PRPF6: variants seen among roughly 807,000 people sequenced by gnomAD.
PRPF6 encodes the protein pre-mRNA processing factor 6.
A neutral mutation model predicts 118.3 loss-of-function variants in PRPF6; 42 were observed. That is an observed-to-expected ratio of 0.35 (90% CI 0.28 to 0.46). The LOEUF (loss-of-function observed/expected upper bound fraction) is 0.46, where lower values mean the gene tolerates loss of function less well. Ranked by LOEUF, PRPF6 falls within the 20% of genes least tolerant of loss-of-function variation. The pLI, the probability that PRPF6 is intolerant of heterozygous loss-of-function variation, is 1.00. For missense variants in PRPF6, 662 were observed against 1,255.7 expected, an observed-to-expected ratio of 0.53 and a Z score of 7.15; for synonymous variants, 481 against 485.1, an observed-to-expected ratio of 0.99 and a Z score of 0.11.
In PRPF6 at chr20:64,016,777, C is replaced by G. The variant is rs760117864; in HGVS notation, c.1579C>G (p.Arg527Gly). 5.6e-6 allele frequency: 9 copies of G among 1,613,942 alleles called. No homozygotes were observed. Among genetic ancestry groups the G allele is most frequent in the African/African-American group, 1.3e-5 (1 of 74,880 alleles). ...GSVATCQAVM[R>G]AVIGIGIEEE... ...TGTGGCCACCTGCCAGGCCGTCATG[C>G]GTGCCGTGATTGGGATTGGGATTGA... Residue 527 changes from arginine to glycine, a missense_variant, in exon 12 of 21, where the codon CGT becomes GGT. This residue lies in a region of PRPF6 where 189 missense variants were observed against 323.5 expected (regional missense o/e 0.58). Coordinates refer to ENST00000266079, the MANE Select transcript of PRPF6 (RefSeq NM_012469.4).
Position 64,027,648 on chromosome 20 carries a change from C to T in PRPF6, c.2251C>T (p.Arg751Trp), listed in dbSNP as rs138067555. The change falls in exon 17 of 21, where the codon CGG becomes TGG. Residue 751 changes from arginine to tryptophan, a missense_variant. Arg to Trp is a moderately radical substitution (Grantham distance 101, BLOSUM62 -3). Transcript: ENST00000266079. This position sits in a 1 kb window ranked among gnomAD's most constrained non-coding sequence, Gnocchi z 6.5. ...HSTPLWLLLS[R>W]LEEKIGQLTR... is the part of the protein sequence containing the mutation. ...CACACCCCTGTGGCTTTTGCTCTCT[C>T]GGCTGGAGGAGAAGATTGGGCAGCT... 2.5e-6 allele frequency: 4 copies of T among 1,613,984 alleles called. No homozygotes were observed. The highest frequency in any genetic ancestry group is 1.7e-5 in the Admixed American group (1 of 60,008).
Position 64,002,428 on chromosome 20 carries a change from C to T in PRPF6, c.1186+1189C>T, listed in dbSNP as rs146406193. 6.1e-3 allele frequency among the ~76,000 whole-genome samples: 918 copies of T among 150,018 alleles called. 8 individuals are homozygous for T. Among genetic ancestry groups the T allele is most frequent in the African/African-American group, 0.021 (863 of 40,754 alleles). Reference sequence around the variant, plus strand: ...TTGGCTCACTGCAGCCTCTGCCTCCCGGGTTCAAGTGATTCTCCTGCCTCA... The same window carrying T: ...TTGGCTCACTGCAGCCTCTGCCTCCTGGGTTCAAGTGATTCTCCTGCCTCA... On this transcript the variant is annotated intron_variant, in intron 9 of 20. Transcript: ENST00000266079.
At position 64,026,028 on chromosome 20, in the gene PRPF6, C is replaced by T. The variant is rs1015123192; in HGVS notation, c.1998C>T (p.Ala666=). The T allele has an allele frequency of 1.7e-5, 28 of 1,609,596 alleles. No individual in the cohort carries two copies. The highest frequency in any genetic ancestry group is 2.1e-5 in the Non-Finnish European group (25 of 1,179,948). ...ACGAGCGGGCCCGGAGGCTGCTGGC[C>T]AAGGCGCGGAGCAGTGCCCCCACCG... ...DEYERARRLL[A]KARSSAPTAR... The change falls in exon 15 of 21, where the codon GCC becomes GCT. Residue 666 remains alanine, a synonymous_variant. Coordinates refer to ENST00000266079, the MANE Select transcript of PRPF6 (RefSeq NM_012469.4). This position sits in a 1 kb window ranked among gnomAD's most constrained non-coding sequence, Gnocchi z 4.4.
intron 4 of PRPF6, 30 bp downstream of exon 4, chr20:63,993,515 G>T (rs765414174): frequency 8.3e-6 from 13 of 1,565,484 alleles, no homozygotes; most frequent in African/African-American, 1.4e-5. Flanking sequence ...AATGGTGTGC[G>T]GTTTCTAACG....
chr20:63,993,260 GTGTATATGTA>G (rs1267074385), intron 3 of PRPF6, 137 bp from the exon 4 acceptor site: 4 of 389,686 alleles, frequency 1.0e-5, no homozygotes, highest in African/African-American at 9.5e-5. Context: ...GTGTGTGTGT[GTGTATATGTA>G]TATATATATA....
intron 7 of PRPF6, among the ~76,000 whole-genome samples, chr20:63,999,401 C>T (rs2059155920): frequency 6.6e-6 from 1 of 152,212 alleles, no homozygotes; most frequent in South Asian, 2.1e-4. Flanking sequence ...CCATCTGGAC[C>T]TTCGGTTCTC....
At chr20:63,988,884 AAAAG>A (rs998581652) in intron 3 of PRPF6, among the ~76,000 whole-genome samples, 8 of 152,174 alleles carry the variant, frequency 5.3e-5, no homozygotes, top group African/African-American at 1.4e-4. Context: ...AAAAAAAAGA[AAAAG>A]AAAAAATAAT....
At chr20:63,992,538 T>C (rs936800322) in intron 3 of PRPF6, among the ~76,000 whole-genome samples, 20 of 152,184 alleles carry the variant, frequency 1.3e-4, no homozygotes, top group Non-Finnish European at 2.5e-4. Context: ...ATTACAGGTG[T>C]AAGCCACCAC....
At chr20:64,005,555 G>A (rs1459289351) in intron 9 of PRPF6, among the ~76,000 whole-genome samples, 1 of 151,978 alleles carries the variant, frequency 6.6e-6, no homozygotes, top group African/African-American at 2.4e-5. Flanking sequence ...CTTGGTCAGG[G>A]TTCTTGACCT....
chr20:64,005,239 AT>A (rs1343003136), intron 9 of PRPF6, among the ~76,000 whole-genome samples: 2 of 152,152 alleles, frequency 1.3e-5, no homozygotes, highest in African/African-American at 4.8e-5. Context: ...CCATGGAGAT[AT>A]GTCAGCTCTC....
intron 3 of PRPF6, among the ~76,000 whole-genome samples, chr20:63,988,355 G>C (rs1295520580): frequency 2.0e-5 from 3 of 151,488 alleles, no homozygotes; most frequent in Non-Finnish European, 4.4e-5. Flanking sequence ...AAATTAGCCG[G>C]GTGTGGGGGT....
intron 1 of PRPF6, 69 bp downstream of exon 1, chr20:63,981,385 TG>T (rs2059066075): frequency 2.4e-5 from 35 of 1,456,916 alleles, no homozygotes; most frequent in Non-Finnish European, 3.0e-5. Context: ...GGGGCGTGTT[TG>T]GGGGCGGGGG....
Position 64,007,884 on chromosome 20 carries a change from C to T in PRPF6, c.1187-2316C>T, listed in dbSNP as rs144412004. On this transcript the variant is annotated intron_variant, in intron 9 of 20. Transcript: ENST00000266079. ...CTGCGCCTTCTGGGTTCAAGCGATTCTCCTGCCTCAGCCTCCCCAGTAGCT... is the reference window on the plus strand; with the variant it reads ...CTGCGCCTTCTGGGTTCAAGCGATTTTCCTGCCTCAGCCTCCCCAGTAGCT... Among the ~76,000 whole-genome samples, 906 of 152,316 alleles carry T rather than the reference C, an allele frequency of 5.9e-3. 10 individuals carry two copies. The highest frequency in any genetic ancestry group is 0.021 in the African/African-American group (878 of 41,566).
In PRPF6 at chr20:64,032,053, C is replaced by T; in HGVS notation, c.2673+9C>T. 6.2e-7 allele frequency: 1 copy of T among 1,613,834 alleles called. No homozygotes were observed. The highest frequency in any genetic ancestry group is 8.5e-7 in the Non-Finnish European group (1 of 1,180,002). On this transcript the variant is annotated intron_variant, in intron 20 of 20. Transcript: ENST00000266079. ...TGCAGCATGGCACTGAGGTGAGGCC[C>T]CTCGACAGACCGCCGCTCAGTGCCT... is the stretch of plus-strand genomic sequence containing the variant.
intron 9 of PRPF6, among the ~76,000 whole-genome samples, chr20:64,009,594 G>A (rs756058329): frequency 3.3e-5 from 5 of 152,234 alleles, no homozygotes; most frequent in South Asian, 2.1e-4. Context: ...GTGGTGGTGC[G>A]CACCTGTAGT....
chr20:64,012,957 C>CTTTT (rs763243601), intron 11 of PRPF6, among the ~76,000 whole-genome samples: 1 of 129,938 alleles, frequency 7.7e-6, no homozygotes, highest in African/African-American at 2.9e-5. Flanking sequence ...CCCCCACACC[C>CTTTT]TTTTTTTTTT....
chr20:64,030,314 G>C (rs1473506006), intron 19 of PRPF6, among the ~76,000 whole-genome samples: 1 of 152,200 alleles, frequency 6.6e-6, no homozygotes, highest in African/African-American at 2.4e-5. Context: ...ACCTGGCAGA[G>C]GTGGCGTGTC....
intron 9 of PRPF6, among the ~76,000 whole-genome samples, chr20:64,009,880 A>G (rs1251136419): frequency 6.6e-6 from 1 of 152,234 alleles, no homozygotes; most frequent in Non-Finnish European, 1.5e-5. Context: ...GTCATATAGT[A>G]TAAACTGTTT....
intron 9 of PRPF6, among the ~76,000 whole-genome samples, chr20:64,001,606 C>T (rs759477692): frequency 3.3e-5 from 5 of 152,228 alleles, no homozygotes; most frequent in South Asian, 2.1e-4. Context: ...AGAGCTGAGC[C>T]GGCACCTGGC....
Sources: allele counts gnomAD v4.1 joint callset (sites outside exome capture counted in the v4.1 genomes callset), GRCh38; gene constraint gnomAD v4.1.1; regional missense constraint gnomAD v4.1.1; non-coding constraint Gnocchi (gnomAD v3.1); transcripts MANE v1.5; gene names NCBI Gene and HGNC (gene_info 2026-07-23, HGNC 2026-07-21).